Variants in LAMA2 observed in about 807,000 individuals in gnomAD.
The protein encoded by LAMA2 is laminin subunit alpha-2.
LAMA2 carries 269 observed loss-of-function variants against 364.8 expected under a neutral mutation model. That is an observed-to-expected ratio of 0.74 (90% CI 0.67 to 0.82). The LOEUF (loss-of-function observed/expected upper bound fraction) is 0.82, where lower values mean the gene tolerates loss of function less well. Among genes scored for constraint, LAMA2 ranks in the 40% least tolerant of loss-of-function variants. The pLI is 0.00. For missense variants in LAMA2, 3,807 were observed against 3,873.2 expected (o/e 0.98, Z 0.45); for synonymous variants, 1,379 against 1,370.6 (o/e 1.01, Z -0.14).
rs6149801 is a variant in LAMA2 at position 128,943,269 on chromosome 6, C to CAGAGAG, written c.112+59945_112+59950dup. 5.4e-3 allele frequency among the ~76,000 whole-genome samples: 766 copies of CAGAGAG among 143,172 alleles called. 10 individuals carry two copies. Among genetic ancestry groups the CAGAGAG allele is most frequent in the African/African-American group, 0.018 (688 of 38,602 alleles). The allele number at this position is 143,172 out of a possible 152,430, so 93.9% of individuals were successfully genotyped here. Reference sequence around the variant, plus strand: ...GAGAGAGTGTGTGTGTATATATACACAGAGAGAGAGAGAGAGAGAGAGAGA... The same window carrying CAGAGAG: ...GAGAGAGTGTGTGTGTATATATACACAGAGAGAGAGAGAGAGAGAGAGAGAGAGAGA... On this transcript the variant is annotated intron_variant, in intron 1 of 64. Coordinates refer to ENST00000421865, the MANE Select transcript of LAMA2 (RefSeq NM_000426.4).
At chr6:128,950,060 C>G (rs1260513196) in intron 1 of LAMA2, among the ~76,000 whole-genome samples, 9 of 152,048 alleles carry the variant, frequency 5.9e-5, no homozygotes, top group Non-Finnish European at 1.3e-4. Flanking sequence ...AAATTTAAGT[C>G]AAATATTGTT....
chr6:129,430,732 G>A (rs1032699392), intron 41 of LAMA2, among the ~76,000 whole-genome samples: 29 of 152,074 alleles, frequency 1.9e-4, no homozygotes, highest in Non-Finnish European at 3.2e-4. Flanking sequence ...TTGGGAGGCC[G>A]AGGCAGGCAG....
At chr6:129,422,733 C>T (rs1781137254) in intron 40 of LAMA2, among the ~76,000 whole-genome samples, 1 of 152,042 alleles carries the variant, frequency 6.6e-6, no homozygotes, top group East Asian at 1.9e-4. Context: ...AATTCAGTTC[C>T]AGATGACTTT....
In LAMA2 at chr6:129,251,962, A is replaced by C. The variant is rs1306800708; in HGVS notation, c.1885-122A>C. ...AAAAAAAATAAATAAATAAAAAATA[A>C]ACATAAATTTTTAAAGTTAAAAGTC... On this transcript the variant is annotated intron_variant, in intron 13 of 64. Coordinates refer to ENST00000421865, the MANE Select transcript of LAMA2 (RefSeq NM_000426.4). 72 of 660,316 alleles carry C rather than the reference A, an allele frequency of 1.1e-4. No individual in the cohort carries two copies. In the Admixed American group the frequency reaches 2.0e-3, roughly 19 times the overall value. 40.9% of individuals were successfully genotyped at this position (660,316 alleles called of 1,614,324 possible).
intron 34 of LAMA2, among the ~76,000 whole-genome samples, chr6:129,372,634 T>TA (rs1778152210): frequency 6.6e-6 from 1 of 152,226 alleles, no homozygotes; most frequent in Admixed American, 6.5e-5. Context: ...TGTGTGGACT[T>TA]AAGTTTTCAA....
chr6:129,164,805 A>T (rs1160366650), intron 8 of LAMA2, among the ~76,000 whole-genome samples: 1 of 152,198 alleles, frequency 6.6e-6, no homozygotes, highest in Non-Finnish European at 1.5e-5. Context: ...GGGTATTGTT[A>T]TGCAAATTTT....
chr6:129,058,416 A>G (rs1452569273), intron 2 of LAMA2, among the ~76,000 whole-genome samples: 1 of 150,416 alleles, frequency 6.6e-6, no homozygotes, highest in African/African-American at 2.5e-5. Context: ...CACGCCTCCT[A>G]TTTTCTATCT....
chr6:129,406,874 T>C (rs1780274954), intron 40 of LAMA2, among the ~76,000 whole-genome samples: 3 of 151,896 alleles, frequency 2.0e-5, no homozygotes. Flanking sequence ...CCAGCCCGAG[T>C]CCCAAAACCT....
rs75590240 is a variant in LAMA2 at position 129,068,843 on chromosome 6, T to C, written c.396+8947T>C. ...CAGAGAAGTCTGGGACTGTCATTTT[T>C]TGTTTTTTGCTTGACATTGTATTTT... On this transcript the variant is annotated intron_variant, in intron 3 of 64. Transcript: ENST00000421865. Among the ~76,000 whole-genome samples, 39 of 152,354 alleles carry C rather than the reference T, an allele frequency of 2.6e-4. No homozygotes were observed. The East Asian group carries it at 7.3e-3, about 29-fold the overall frequency.
rs1413398923 is a variant in LAMA2 at position 129,144,004 on chromosome 6, T to G, written c.743T>G (p.Ile248Ser). The change falls in exon 5 of 65, where the codon ATC becomes AGC. Residue 248 changes from isoleucine to serine, a missense_variant. Physicochemically the swap from Ile to Ser is moderately radical, Grantham distance 142. This residue lies in a region of LAMA2 where 394 missense variants were observed against 403.5 expected (regional missense o/e 0.98). Transcript: ENST00000421865. ...TATATTCGCCTGAGATTTCAGAGGA[T>G]CCGCACACTGAATGCTGACTTGATG... Reference protein sequence around the residue: ...ARYIRLRFQRIRTLNADLMMF... With the variant: ...ARYIRLRFQRSRTLNADLMMF... The G allele has an allele frequency of 6.2e-7, 1 of 1,612,560 alleles. No homozygotes were observed. Among genetic ancestry groups the G allele is most frequent in the East Asian group, 2.2e-5 (1 of 44,842 alleles).
chr6:129,180,528 A>T (rs552074415), intron 10 of LAMA2, among the ~76,000 whole-genome samples: 3 of 152,210 alleles, frequency 2.0e-5, no homozygotes, highest in South Asian at 4.1e-4. Flanking sequence ...AAAGAGCTTC[A>T]TTAGGAAGTC....
At chr6:129,456,802 C>T (rs1782989751) in intron 48 of LAMA2, among the ~76,000 whole-genome samples, 1 of 152,098 alleles carries the variant, frequency 6.6e-6, no homozygotes, top group South Asian at 2.1e-4. Context: ...AAGTATACCT[C>T]ATCTTCTGAA....
At chr6:128,951,802 C>A (rs1265905802) in intron 1 of LAMA2, among the ~76,000 whole-genome samples, 2 of 152,124 alleles carry the variant, frequency 1.3e-5, no homozygotes, top group African/African-American at 4.8e-5. Flanking sequence ...AAAAACTTTT[C>A]TACCCTTTTT....
intron 29 of LAMA2, among the ~76,000 whole-genome samples, chr6:129,340,937 G>A (rs1278599569): frequency 6.6e-6 from 1 of 151,302 alleles, no homozygotes; most frequent in Non-Finnish European, 1.5e-5. Flanking sequence ...TATAAAATCT[G>A]TAAATGTCAC....
intron 56 of LAMA2, 107 bp downstream of exon 56, chr6:129,486,729 A>G: frequency 1.0e-6 from 1 of 996,078 alleles, no homozygotes; most frequent in African/African-American, 1.6e-5. Context: ...TGGACCTACT[A>G]TGCATTGCAA....
chr6:129,266,619 A>G (rs531109090), intron 15 of LAMA2, among the ~76,000 whole-genome samples: 4 of 152,234 alleles, frequency 2.6e-5, no homozygotes, highest in Admixed American at 1.3e-4. Flanking sequence ...AATCATGTCA[A>G]AGATTTTCTG....
chr6:129,207,302 T>C (rs963908442), intron 12 of LAMA2, among the ~76,000 whole-genome samples: 6 of 152,198 alleles, frequency 3.9e-5, no homozygotes, highest in Non-Finnish European at 7.4e-5. Flanking sequence ...CTTTTTTTTT[T>C]CTTCACTTTT....
intron 2 of LAMA2, among the ~76,000 whole-genome samples, chr6:129,052,967 G>C (rs1788190126): frequency 6.6e-6 from 1 of 152,120 alleles, no homozygotes; most frequent in African/African-American, 2.4e-5. Context: ...TAAAATTAGT[G>C]GTCGTGTGTA....
At chr6:129,104,632 A>C (rs78632096) in intron 4 of LAMA2, among the ~76,000 whole-genome samples, 61 of 152,288 alleles carry the variant, frequency 4.0e-4, no homozygotes, top group African/African-American at 1.4e-3. Context: ...CCCTATGTTC[A>C]TATCATCACT....
Sources: gnomAD v4.1 joint callset for allele counts (sites outside exome capture counted in the v4.1 genomes callset) on GRCh38, gnomAD v4.1.1 for gene constraint, gnomAD v4.1.1 regional missense constraint, MANE v1.5 for transcripts, NCBI Gene and HGNC (gene_info 2026-07-23, HGNC 2026-07-21) for gene names.